Variants in RBPJ observed in about 807,000 individuals in gnomAD.
RBPJ encodes the protein recombination signal binding protein for immunoglobulin kappa J region, also known as recombining binding protein suppressor of hairless.
A neutral mutation model predicts 67.8 loss-of-function variants in RBPJ; 9 were observed. The observed-to-expected ratio is 0.13, with a 90% CI of 0.08 to 0.23. RBPJ has a LOEUF of 0.23. Ranked by LOEUF, RBPJ falls within the 10% of genes least tolerant of loss-of-function variation. The probability of loss-of-function intolerance (pLI) is 1.00; values close to 1 mark genes in which losing one functional copy is unlikely to be tolerated. For synonymous variants in RBPJ, 198 were observed against 203.3 expected (o/e 0.97, Z 0.22); for missense variants, 305 against 595.6 (o/e 0.51, Z 5.08).
In RBPJ at chr4:26,307,135, C is replaced by T. The variant is rs79992816; in HGVS notation, c.-166-55311C>T. 3.2e-3 allele frequency among the ~76,000 whole-genome samples: 492 copies of T among 152,190 alleles called. 4 individuals carry two copies. The highest frequency in any genetic ancestry group is 0.011 in the African/African-American group (456 of 41,508). On this transcript the variant is annotated intron_variant, in intron 1 of 4. Transcript: ENST00000512351. ...TATGACTTGTGTAAATCATACCCTC[C>T]GAGGCACATCTGTAAAAACAGGAAT...
intron 1 of RBPJ, among the ~76,000 whole-genome samples, chr4:26,239,683 G>A (rs555684473): frequency 6.7e-6 from 1 of 148,260 alleles, no homozygotes; most frequent in African/African-American, 2.5e-5. Context: ...GGAGGGAAGG[G>A]AAGGAAAGTA....
chr4:26,400,155 A>AT (rs1336299861), intron 2 of RBPJ, among the ~76,000 whole-genome samples: 1 of 152,082 alleles, frequency 6.6e-6, no homozygotes, highest in African/African-American at 2.4e-5. Context: ...AATTTTTGGT[A>AT]TTTTTTAATT....
At chr4:26,401,558 A>T (rs778837704) in intron 2 of RBPJ, among the ~76,000 whole-genome samples, 1 of 152,232 alleles carries the variant, frequency 6.6e-6, no homozygotes, top group South Asian at 2.1e-4. Context: ...GATATTATCA[A>T]ATACCAAGTT....
At chr4:26,207,249 A>G (rs1211894608) in intron 1 of RBPJ, among the ~76,000 whole-genome samples, 2 of 152,194 alleles carry the variant, frequency 1.3e-5, no homozygotes, top group Non-Finnish European at 2.9e-5. Flanking sequence ...GTTGTCAGCA[A>G]TGAGCAAGCC....
the RBPJ span, among the ~76,000 whole-genome samples, chr4:26,140,028 G>A: frequency 6.6e-6 from 1 of 152,076 alleles, no homozygotes; most frequent in African/African-American, 2.4e-5. Flanking sequence ...CCAAATTTAG[G>A]AGCTGTGTCA....
chr4:26,280,705 A>C (rs1407611565), intron 1 of RBPJ, among the ~76,000 whole-genome samples: 1 of 152,204 alleles, frequency 6.6e-6, no homozygotes, highest in Non-Finnish European at 1.5e-5. Flanking sequence ...CATGGTTAAA[A>C]TGGCAAATTT....
intron 1 of RBPJ, among the ~76,000 whole-genome samples, chr4:26,243,421 G>A (rs1038373839): frequency 6.6e-6 from 1 of 152,166 alleles, no homozygotes; most frequent in African/African-American, 2.4e-5. Flanking sequence ...GTAGAATTGT[G>A]GATTGCTTGT....
intron 2 of RBPJ, among the ~76,000 whole-genome samples, chr4:26,391,760 G>T (rs995220405): frequency 6.6e-6 from 1 of 152,198 alleles, no homozygotes; most frequent in Non-Finnish European, 1.5e-5. Context: ...TCCAAAGAAT[G>T]TGTGAATATG....
At chr4:26,412,411 T>C (rs1167553651) in intron 3 of RBPJ, among the ~76,000 whole-genome samples, 1 of 152,104 alleles carries the variant, frequency 6.6e-6, no homozygotes, top group Non-Finnish European at 1.5e-5. Flanking sequence ...TTTGTACTTT[T>C]AGTAGAGACA....
intron 1 of RBPJ, among the ~76,000 whole-genome samples, chr4:26,234,078 A>T (rs1411352031): frequency 6.6e-6 from 1 of 152,238 alleles, no homozygotes; most frequent in East Asian, 1.9e-4. Flanking sequence ...ATTTAGGAGA[A>T]GCCACGACTT....
In RBPJ at chr4:26,291,978, G is replaced by C. The variant is rs1002358548; in HGVS notation, c.-166-70468G>C. 4.6e-5 allele frequency among the ~76,000 whole-genome samples: 7 copies of C among 150,752 alleles called. 1 individual carries two copies. Among genetic ancestry groups the C allele is most frequent in the African/African-American group, 1.7e-4 (7 of 40,928 alleles). The stretch of plus-strand genomic sequence containing the variant: ...CATACAAGTTTAACGTGTACAATGT[G>C]ACGATTTGATATATGTACATATTGT... On this transcript the variant is annotated intron_variant, in intron 1 of 4. Transcript: ENST00000512351.
At chr4:26,385,478 G>T (rs1280035163) in intron 1 of RBPJ, among the ~76,000 whole-genome samples, 1 of 152,126 alleles carries the variant, frequency 6.6e-6, no homozygotes, top group African/African-American at 2.4e-5. Context: ...TCATGGATTT[G>T]AACCCAGCCA....
chr4:26,395,869 C>T (rs368089474), intron 2 of RBPJ, among the ~76,000 whole-genome samples: 6 of 152,302 alleles, frequency 3.9e-5, no homozygotes, highest in South Asian at 4.1e-4. Context: ...CTTCCCTATC[C>T]ATAGCATGTA....
chr4:26,335,609 G>A (rs1461182313), intron 1 of RBPJ, among the ~76,000 whole-genome samples: 1 of 145,420 alleles, frequency 6.9e-6, no homozygotes. Flanking sequence ...GCCCACATAT[G>A]CTTACTTCTT....
At chr4:26,221,369 C>T (rs1409375352) in intron 1 of RBPJ, among the ~76,000 whole-genome samples, 2 of 152,230 alleles carry the variant, frequency 1.3e-5, no homozygotes, top group Admixed American at 6.5e-5. Context: ...GGATTACAGG[C>T]AGGAGCCACC....
chr4:26,273,263 A>T (rs550185938), intron 1 of RBPJ, among the ~76,000 whole-genome samples: 1 of 152,166 alleles, frequency 6.6e-6, no homozygotes, highest in Non-Finnish European at 1.5e-5. Flanking sequence ...AAACTTCCTG[A>T]GCTGACATTA....
chr4:26,106,290 T>C, the RBPJ span, among the ~76,000 whole-genome samples: 1 of 152,240 alleles, frequency 6.6e-6, no homozygotes, highest in Admixed American at 6.5e-5. Context: ...TTCTACTAAT[T>C]GGAATCACTA....
At chr4:26,423,270 A>C (rs939224948) in intron 5 of RBPJ, among the ~76,000 whole-genome samples, 3 of 152,208 alleles carry the variant, frequency 2.0e-5, no homozygotes, top group African/African-American at 7.2e-5. Flanking sequence ...TTCTAAAAGG[A>C]GACATCAAAG....
rs866042967 is a variant in RBPJ, at chr4:26,396,643, A to G, written c.60-9532A>G. 5.3e-5 allele frequency among the ~76,000 whole-genome samples: 8 copies of G among 152,268 alleles called. No individual in the cohort carries two copies. The South Asian group carries it at 1.7e-3, about 31-fold the overall frequency. ...CCCATTGCTCTCAATGTAACGGCCTATGCCTATTTGGGAGTGGGAGGCGGG... is the reference window on the plus strand; with the variant it reads ...CCCATTGCTCTCAATGTAACGGCCTGTGCCTATTTGGGAGTGGGAGGCGGG... On this transcript the variant is annotated intron_variant, in intron 2 of 10. Transcript: ENST00000355476.
Sources: allele counts gnomAD v4.1 joint callset (sites outside exome capture counted in the v4.1 genomes callset), GRCh38; gene constraint gnomAD v4.1.1; transcripts MANE v1.5; gene names NCBI Gene and HGNC (gene_info 2026-07-23, HGNC 2026-07-21).